The following DNMBP variants were observed in gnomAD, a reference collection of about 807,000 sequenced individuals.
DNMBP encodes the protein dynamin-binding protein.
In DNMBP, 87 loss-of-function variants were observed where a neutral mutation model predicts 150.0. The ratio of observed to expected loss-of-function variants is 0.58; its 90% confidence interval spans 0.49 to 0.69. The LOEUF (loss-of-function observed/expected upper bound fraction) is 0.69. DNMBP is among the 30% of genes least tolerant of loss of function. The pLI, the probability that DNMBP is intolerant of heterozygous loss-of-function variation, is 0.00. For synonymous variants in DNMBP, 711 were observed against 750.4 expected (o/e 0.95, Z 0.86); for missense variants, 1,774 against 1,949.0 (o/e 0.91, Z 1.69).
chr10:99,902,654 G>A (rs568633158), intron 6 of DNMBP, among the ~76,000 whole-genome samples: 5 of 149,482 alleles, frequency 3.3e-5, no homozygotes, highest in African/African-American at 7.4e-5. Context: ...TTGGCTGGAC[G>A]TAGTGGCTCA....
At chr10:99,914,106 A>C in intron 4 of DNMBP, 1 of 1,367,710 alleles carries the variant, frequency 7.3e-7, no homozygotes, top group East Asian at 2.9e-5. Flanking sequence ...TTTACATATG[A>C]ATCGCGCAAG....
At chr10:99,878,139 A>G (rs2039305104) in intron 16 of DNMBP, among the ~76,000 whole-genome samples, 1 of 152,226 alleles carries the variant, frequency 6.6e-6, no homozygotes, top group African/African-American at 2.4e-5. Context: ...GAATTGCTTT[A>G]AAGGGTGGAA....
At chr10:99,897,251 G>A (rs1298206395) in intron 9 of DNMBP, among the ~76,000 whole-genome samples, 1 of 152,054 alleles carries the variant, frequency 6.6e-6, no homozygotes, top group Non-Finnish European at 1.5e-5. Context: ...TCAGTGTTAT[G>A]AAGAAGGAGT....
intron 1 of DNMBP, among the ~76,000 whole-genome samples, chr10:99,987,502 G>A (rs1220074466): frequency 6.6e-6 from 1 of 152,186 alleles, no homozygotes; most frequent in Non-Finnish European, 1.5e-5. Flanking sequence ...GGGAGTCCAA[G>A]GCAGGTGGAT....
At chr10:100,002,866 T>C (rs1248729882) in intron 1 of DNMBP, among the ~76,000 whole-genome samples, 1 of 152,146 alleles carries the variant, frequency 6.6e-6, no homozygotes, top group Non-Finnish European at 1.5e-5. Flanking sequence ...TTGAGGGTAA[T>C]ACCTTAAAAC....
chr10:99,913,925 G>C (rs1483954763), intron 4 of DNMBP: 2 of 1,312,990 alleles, frequency 1.5e-6, no homozygotes, highest in Non-Finnish European at 2.0e-6. Context: ...ACTTCCTTCT[G>C]TGCTGGCTCC....
chr10:99,883,993 G>GA lies in DNMBP; in HGVS notation c.3997+17_3997+18insT, dbSNP rs1486625625. ...TTTTTTTTTCCAGTTACAGTCCTCTGCTGCTTAAAATTCTTACCTCCATTG... is the reference window on the plus strand; with the variant it reads ...TTTTTTTTTCCAGTTACAGTCCTCTGACTGCTTAAAATTCTTACCTCCATTG... On this transcript the variant is annotated intron_variant, in intron 15 of 16. Transcript: ENST00000324109. The GA allele has an allele frequency of 6.2e-7, 1 of 1,611,364 alleles. No homozygotes were observed. Among genetic ancestry groups the GA allele is most frequent in the South Asian group, 1.1e-5 (1 of 90,936 alleles).
At chr10:99,997,077 A>G (rs1485705733) in intron 1 of DNMBP, among the ~76,000 whole-genome samples, 2 of 152,216 alleles carry the variant, frequency 1.3e-5, no homozygotes, top group Non-Finnish European at 1.5e-5. Context: ...AGGCACTAAC[A>G]AAGTCTGGTT....
intron 4 of DNMBP, among the ~76,000 whole-genome samples, chr10:99,927,956 G>A (rs1409239996): frequency 6.6e-6 from 1 of 152,136 alleles, no homozygotes; most frequent in Non-Finnish European, 1.5e-5. Context: ...GAACAGATGC[G>A]GGGGGAAGGG....
intron 1 of DNMBP, among the ~76,000 whole-genome samples, chr10:100,002,220 T>C (rs1471238783): frequency 6.6e-6 from 1 of 152,084 alleles, no homozygotes; most frequent in African/African-American, 2.4e-5. Context: ...CAGGGGTTGG[T>C]GCTAAAAGGC....
intron 4 of DNMBP, among the ~76,000 whole-genome samples, chr10:99,946,185 T>G (rs2040355718): frequency 6.6e-6 from 1 of 152,246 alleles, no homozygotes; most frequent in Admixed American, 6.5e-5. Context: ...CTCAAATTCC[T>G]GACCTCAAGT....
intron 1 of DNMBP, among the ~76,000 whole-genome samples, chr10:99,978,714 G>GA (rs926151427): frequency 9.2e-5 from 14 of 151,956 alleles, no homozygotes; most frequent in African/African-American, 3.1e-4. Flanking sequence ...GAATATCTGC[G>GA]ATCACAGGTG....
chr10:99,947,935 G>A (rs1304732699), intron 4 of DNMBP, among the ~76,000 whole-genome samples: 1 of 152,062 alleles, frequency 6.6e-6, no homozygotes, highest in East Asian at 1.9e-4. Context: ...GTATATGGAA[G>A]CTCTTATTTT....
chr10:99,989,628 T>C (rs2040865326), intron 1 of DNMBP, among the ~76,000 whole-genome samples: 1 of 152,142 alleles, frequency 6.6e-6, no homozygotes, highest in African/African-American at 2.4e-5. Context: ...GGAGAATCAC[T>C]TGAACCTGGG....
intron 12 of DNMBP, among the ~76,000 whole-genome samples, chr10:99,888,066 GC>G (rs2039497793): frequency 6.6e-6 from 1 of 151,876 alleles, no homozygotes; most frequent in East Asian, 1.9e-4. Context: ...CAGGTGATCC[GC>G]CCACCTCGGC....
In DNMBP at chr10:99,955,490, G is replaced by A. The variant is rs1168690058; in HGVS notation, c.1984C>T (p.Leu662Phe). The change falls in exon 4 of 17, where the codon CTC (leucine) becomes TTC (phenylalanine). Residue 662 changes from leucine to phenylalanine, a missense_variant. Around this residue, in one of 2 missense-constraint regions of DNMBP, gnomAD observed 1,430 missense variants for 1,492.5 expected, o/e 0.96. Transcript: ENST00000324109. ...QQRTNAVSPK[L>F]LSRHRPTCET... The stretch of plus-strand genomic sequence containing the variant: ...CAGGTAGGACGGTGTCGAGATAGGA[G>A]CTTGGGGGATACCGCATTCGTTCTC... 7 of 1,601,322 alleles carry A rather than the reference G, an allele frequency of 4.4e-6. No individual in the cohort carries two copies. Among genetic ancestry groups the A allele is most frequent in the Non-Finnish European group, 6.0e-6 (7 of 1,173,398 alleles).
intron 10 of DNMBP, among the ~76,000 whole-genome samples, chr10:99,895,540 A>G (rs1420495963): frequency 6.6e-6 from 1 of 152,226 alleles, no homozygotes; most frequent in Non-Finnish European, 1.5e-5. Flanking sequence ...GACCTCCAAA[A>G]TACACACAGG....
In DNMBP at chr10:99,892,109, C is replaced by T. The variant is rs562088893; in HGVS notation, c.3156+2837G>A. Reference sequence around the variant, plus strand: ...GAGGTGAGGGGCGCCTCTGCCCGGCCGCCCCTACTGGGACGTGAAGAGCCC... The same window carrying T: ...GAGGTGAGGGGCGCCTCTGCCCGGCTGCCCCTACTGGGACGTGAAGAGCCC... On this transcript the variant is annotated intron_variant, in intron 11 of 16. Coordinates refer to ENST00000324109, the MANE Select transcript of DNMBP (RefSeq NM_015221.4). 1.6e-3 allele frequency among the ~76,000 whole-genome samples: 217 copies of T among 139,524 alleles called. 13 individuals are homozygous for T. Among genetic ancestry groups the T allele is most frequent in the Middle Eastern group, 3.5e-3 (1 of 284 alleles). The allele number at this position is 139,524 out of a possible 152,430, so 91.5% of individuals were successfully genotyped here.
intron 4 of DNMBP, chr10:99,913,861 C>A (rs2039930963): frequency 8.0e-7 from 1 of 1,243,566 alleles, no homozygotes; most frequent in South Asian, 3.5e-5. Context: ...AAATTTTGAG[C>A]TCCCGGCCAG....
Sources: allele counts gnomAD v4.1 joint callset (sites outside exome capture counted in the v4.1 genomes callset), GRCh38; gene constraint gnomAD v4.1.1; regional missense constraint gnomAD v4.1.1; transcripts MANE v1.5; gene names NCBI Gene and HGNC (gene_info 2026-07-23, HGNC 2026-07-21).